Variants in VRK2 observed in about 807,000 individuals in gnomAD.
VRK2 encodes the protein VRK serine/threonine kinase 2, also known as serine/threonine-protein kinase VRK2.
Under a neutral mutation model 57.6 loss-of-function variants are expected in VRK2, and 60 were observed. The observed-to-expected ratio is 1.04, with a 90% CI of 0.85 to 1.29. The LOEUF is 1.29. VRK2 is among the 50% of genes most tolerant of loss of function. The probability of loss-of-function intolerance (pLI) is 0.00; values close to 1 mark genes in which losing one functional copy is unlikely to be tolerated. For missense variants in VRK2, 705 were observed against 588.1 expected, an observed-to-expected ratio of 1.20 and a Z score of -2.06; for synonymous variants, 231 against 199.2, an observed-to-expected ratio of 1.16 and a Z score of -1.35.
intron 7 of VRK2, among the ~76,000 whole-genome samples, chr2:58,118,382 G>A (rs889562529): frequency 2.6e-5 from 4 of 152,198 alleles, no homozygotes; most frequent in South Asian, 2.1e-4. Flanking sequence ...GACCGGCACC[G>A]GAGTTTTGGG....
chr2:58,032,506 A>G (rs932022015), intron 2 of VRK2, among the ~76,000 whole-genome samples: 2 of 152,034 alleles, frequency 1.3e-5, no homozygotes, highest in Non-Finnish European at 2.9e-5. Context: ...TGATCTGATC[A>G]TCTTCCAAAG....
At chr2:58,127,513 C>T (rs1678550748) in intron 8 of VRK2, among the ~76,000 whole-genome samples, 1 of 152,104 alleles carries the variant, frequency 6.6e-6, no homozygotes, top group Non-Finnish European at 1.5e-5. Flanking sequence ...CTAATATTTC[C>T]TGATATCCTT....
At chr2:57,949,564 A>T (rs970690054) in intron 1 of VRK2, among the ~76,000 whole-genome samples, 3 of 152,250 alleles carry the variant, frequency 2.0e-5, no homozygotes, top group African/African-American at 4.8e-5. Flanking sequence ...CTGCTCCACC[A>T]ACTGGCCATT....
intron 1 of VRK2, among the ~76,000 whole-genome samples, chr2:58,003,098 G>T (rs6755324): frequency 0.22 from 33,261 of 152,038 alleles, 6,207 homozygotes; most frequent in African/African-American, 0.51. Context: ...TTTCCATCCT[G>T]ATAATTGACC....
chr2:58,013,492 T>A (rs1181980608), intron 1 of VRK2, among the ~76,000 whole-genome samples: 1 of 152,262 alleles, frequency 6.6e-6, no homozygotes, highest in Admixed American at 6.5e-5. Context: ...AATGTTTGAA[T>A]CTGTAATTCC....
chr2:58,131,823 G>A lies in VRK2; in HGVS notation c.692G>A (p.Ser231Asn). The stretch of plus-strand genomic sequence containing the variant: ...ACTCCTATAGCCTTGTCCAGACGAA[G>A]TGACGTTGAGATCCTCGGCTACTGC... ...AHKGVALSRR[S>N]DVEILGYCML... The change falls in exon 9 of 13, where the codon AGT (serine) becomes AAT (asparagine). Residue 231 changes from serine (S) to asparagine (N), a missense_variant. Transcript: ENST00000340157. 1 of 1,613,014 alleles carries A rather than the reference G, an allele frequency of 6.2e-7. No homozygotes were observed. The highest frequency in any genetic ancestry group is 8.5e-7 in the Non-Finnish European group (1 of 1,179,578).
chr2:58,109,385 T>C (rs1460321607), intron 7 of VRK2, among the ~76,000 whole-genome samples: 1 of 151,982 alleles, frequency 6.6e-6, no homozygotes, highest in Non-Finnish European at 1.5e-5. Context: ...ACCCAGTAAA[T>C]TGCCTTGTGC....
intron 2 of VRK2, among the ~76,000 whole-genome samples, chr2:58,081,918 T>C (rs1484410123): frequency 6.6e-6 from 1 of 151,122 alleles, no homozygotes; most frequent in Non-Finnish European, 1.5e-5. Context: ...TTAATTTCAC[T>C]AGCTATAATG....
At chr2:58,139,215 A>G (rs952472277) in intron 10 of VRK2, among the ~76,000 whole-genome samples, 7 of 152,140 alleles carry the variant, frequency 4.6e-5, no homozygotes, top group African/African-American at 1.7e-4. Context: ...TCCCAAAATC[A>G]AAGCCTTAAT....
At chr2:58,028,763 C>T (rs1674012084) in intron 2 of VRK2, among the ~76,000 whole-genome samples, 1 of 150,710 alleles carries the variant, frequency 6.6e-6, no homozygotes, top group African/African-American at 2.4e-5. Context: ...GGAGGGATAG[C>T]ATTACGAGAT....
In VRK2 at chr2:58,146,312, A is replaced by G. The variant is rs151271384; in HGVS notation, c.1024-4A>G. ...ATATATTATTACTTACTCTATACCA[A>G]CAGGTTGATTCACAAAAGGCTGCAA... On this transcript the variant is annotated splice_polypyrimidine_tract_variant and splice_region_variant and intron_variant, in intron 11 of 12. Coordinates refer to ENST00000340157, the MANE Select transcript of VRK2 (RefSeq NM_006296.7). 10 of 1,606,412 alleles carry G rather than the reference A, an allele frequency of 6.2e-6. No individual in the cohort carries two copies. The East Asian group carries it at 2.2e-4, about 36-fold the overall frequency.
intron 2 of VRK2, among the ~76,000 whole-genome samples, chr2:58,062,748 G>A (rs1572904214): frequency 6.6e-6 from 1 of 152,058 alleles, no homozygotes; most frequent in Non-Finnish European, 1.5e-5. Flanking sequence ...GCAAAGGTTG[G>A]TTCATGAGGT....
chr2:58,011,757 TAATGGTTGAAATCTA>T (rs1292166534), intron 1 of VRK2, among the ~76,000 whole-genome samples: 1 of 152,230 alleles, frequency 6.6e-6, no homozygotes, highest in Non-Finnish European at 1.5e-5. Flanking sequence ...AATGAAATTA[TAATGGTTGAAATCTA>T]GAGATTCTCA....
chr2:58,141,765 T>C (rs1227485480), intron 11 of VRK2, among the ~76,000 whole-genome samples: 1 of 151,986 alleles, frequency 6.6e-6, no homozygotes, highest in Non-Finnish European at 1.5e-5. Flanking sequence ...AAACCAAACC[T>C]GAAAATGTTC....
intron 12 of VRK2, among the ~76,000 whole-genome samples, chr2:58,151,731 G>GTTCTTT (rs1683068421): frequency 6.0e-5 from 1 of 16,722 alleles, no homozygotes; most frequent in African/African-American, 1.3e-4. Context: ...TTCTATGCTT[G>GTTCTTT]TTTTTTTTTT....
chr2:58,066,326 A>G (rs1455897558), intron 2 of VRK2, among the ~76,000 whole-genome samples: 2 of 152,132 alleles, frequency 1.3e-5, no homozygotes, highest in East Asian at 1.9e-4. Flanking sequence ...TTTCTACTTC[A>G]ATTGATATGA....
intron 9 of VRK2, 141 bp downstream of exon 9, chr2:58,132,069 A>G: frequency 1.5e-5 from 15 of 1,030,660 alleles, no homozygotes; most frequent in Non-Finnish European, 2.0e-5. Context: ...AATATGTTTT[A>G]AAAAAACCAA....
At chr2:57,999,763 C>A (rs1450177112) in intron 1 of VRK2, among the ~76,000 whole-genome samples, 2 of 152,120 alleles carry the variant, frequency 1.3e-5, no homozygotes, top group East Asian at 1.9e-4. Flanking sequence ...TTACATAAAT[C>A]ATACATACTA....
intron 10 of VRK2, among the ~76,000 whole-genome samples, chr2:58,136,992 GTATA>G (rs1166278899): frequency 3.9e-5 from 5 of 126,864 alleles, no homozygotes; most frequent in Non-Finnish European, 7.8e-5. Flanking sequence ...ATATATATGT[GTATA>G]TATCATATAT....
Sources: gnomAD v4.1 joint callset for allele counts (sites outside exome capture counted in the v4.1 genomes callset) on GRCh38, gnomAD v4.1.1 for gene constraint, MANE v1.5 for transcripts, NCBI Gene and HGNC (gene_info 2026-07-23, HGNC 2026-07-21) for gene names.